Variants in KIFC2 observed in about 807,000 individuals in gnomAD.
KIFC2 encodes the protein kinesin-like protein KIFC2.
In KIFC2, 94 loss-of-function variants were observed where a neutral mutation model predicts 91.5. The ratio of observed to expected loss-of-function variants is 1.03; its 90% CI spans 0.87 to 1.22. The LOEUF (loss-of-function observed/expected upper bound fraction) is 1.22, where lower values mean the gene tolerates loss of function less well. KIFC2 is among the 50% of genes most tolerant of loss of function. The probability of loss-of-function intolerance (pLI) is 0.00; values close to 1 mark genes in which losing one functional copy is unlikely to be tolerated. For missense variants in KIFC2, 1,357 were observed against 1,103.3 expected (o/e 1.23, Z -3.26); for synonymous variants, 729 against 503.9 (o/e 1.45, Z -5.98).
chr8:144,472,657 C>T lies in KIFC2; in HGVS notation c.1812C>T (p.Val604=), dbSNP rs750800047. The change falls in exon 16 of 18, where the codon GTC becomes GTT. Residue 604 remains valine, a synonymous_variant. Transcript: ENST00000645548. ...GCAGCTCCCGCTCGCATGCCCTGGT[C>T]ACGCTGACGCTGCGCGCGGCGTCTC... is the stretch of plus-strand genomic sequence containing the variant. The part of the protein sequence containing the change: ...NQRSSRSHAL[V]TLTLRAASPP... 51 of 1,598,722 alleles carry T rather than the reference C, an allele frequency of 3.2e-5. No homozygotes were observed. The South Asian group carries it at 5.3e-4, about 17-fold the overall frequency.
rs571628325 is a variant in KIFC2, at chr8:144,473,307, C to G, written c.2294C>G (p.Pro765Arg). 2.5e-6 allele frequency: 4 copies of G among 1,604,024 alleles called. No homozygotes were observed. In the South Asian group the frequency reaches 4.5e-5, roughly 18 times the overall value. Reference protein sequence around the residue: ...PLTGTPCTPTPSPGSPPCPSP... With the variant: ...PLTGTPCTPTRSPGSPPCPSP... ...ACCGGGACCCCCTGCACCCCTACGCCGTCCCCTGGCAGTCCTCCATGCCCC... is the reference window on the plus strand; with the variant it reads ...ACCGGGACCCCCTGCACCCCTACGCGGTCCCCTGGCAGTCCTCCATGCCCC... Residue 765 changes from proline to arginine, a missense_variant, in exon 18 of 18, where the codon CCG becomes CGG. By Grantham distance (103) the Pro-to-Arg change is moderately radical. Coordinates refer to ENST00000645548, the MANE Select transcript of KIFC2 (RefSeq NM_001369769.2).
chr8:144,470,352 T>C (rs1338228324), intron 12 of KIFC2, among the ~76,000 whole-genome samples: 1 of 152,240 alleles, frequency 6.6e-6, no homozygotes, highest in Non-Finnish European at 1.5e-5. Context: ...GCGCAGGGCA[T>C]GCCTTGTGCA....
chr8:144,472,979 C>T lies in KIFC2; in HGVS notation c.2046C>T (p.Phe682=). The change falls in exon 17 of 18, where the codon TTC becomes TTT. Residue 682 remains phenylalanine (F), a synonymous_variant. Coordinates refer to ENST00000645548, the MANE Select transcript of KIFC2 (RefSeq NM_001369769.2). ...ALRAHRPHVP[F]RDSQLTRLLQ... is the part of the protein sequence containing the mutation. ...GGGCCCACCGGCCGCACGTGCCCTTCCGCGACTCGCAGCTCACGCGACTGC... is the reference window on the plus strand; with the variant it reads ...GGGCCCACCGGCCGCACGTGCCCTTTCGCGACTCGCAGCTCACGCGACTGC... The T allele has an allele frequency of 1.4e-6, 2 of 1,455,974 alleles. No homozygotes were observed. Among genetic ancestry groups the T allele is most frequent in the Middle Eastern group, 2.2e-4 (1 of 4,540 alleles). 90.2% of individuals were successfully genotyped at this position (1,455,974 alleles called of 1,614,324 possible). A position where few individuals can be genotyped will look rare whatever the true frequency, so the allele number is the denominator to read the frequency against.
At chr8:144,466,689 C>G in intron 1 of KIFC2, 71 bp from the exon 2 acceptor site, 1 of 1,301,072 alleles carries the variant, frequency 7.7e-7, no homozygotes, top group Non-Finnish European at 1.0e-6. Context: ...TCCTCCGGCC[C>G]GGTTCGCGGA....
chr8:144,472,524 C>T (rs1315291943), intron 15 of KIFC2, 40 bp downstream of exon 15: 1 of 1,611,622 alleles, frequency 6.2e-7, no homozygotes. Context: ...CCCCGTGCTT[C>T]CACTTGGGGG....
Position 144,473,654 on chromosome 8 carries a change from A to G in KIFC2, c.*265A>G, listed in dbSNP as rs776981240. 1 of 511,292 alleles carries G rather than the reference A, an allele frequency of 2.0e-6. No homozygotes were observed. The highest frequency in any genetic ancestry group is 3.3e-6 in the Non-Finnish European group (1 of 302,128). The allele number at this position is 511,292 out of a possible 1,614,324, so 31.7% of individuals were successfully genotyped here. On this transcript the variant is annotated 3_prime_UTR_variant, in exon 18 of 18. Coordinates refer to ENST00000645548, the MANE Select transcript of KIFC2 (RefSeq NM_001369769.2). The stretch of plus-strand genomic sequence containing the variant: ...TATCACCATTTGCTGTTATCACGGC[A>G]CACAGCAGGGAATCCCAGGCCCCCC...
intron 12 of KIFC2, 99 bp from the exon 13 acceptor site, chr8:144,471,843 C>T (rs190400668): frequency 2.0e-6 from 2 of 1,021,624 alleles, no homozygotes; most frequent in African/African-American, 1.6e-5. Flanking sequence ...AGACTAGGCT[C>T]TGCTCACACC....
chr8:144,473,093 G>A (rs1586725736), intron 17 of KIFC2, 39 bp from the exon 18 acceptor site: 3 of 1,535,216 alleles, frequency 2.0e-6, no homozygotes, highest in Middle Eastern at 2.3e-4. Context: ...GCCGGTCGCC[G>A]CCCACCCGGG....
intron 10 of KIFC2, 91 bp downstream of exon 10, chr8:144,468,925 A>G (rs915745170): frequency 3.8e-6 from 4 of 1,058,472 alleles, no homozygotes; most frequent in Non-Finnish European, 2.8e-6. Flanking sequence ...TGGCTGTACT[A>G]ATAAGTGGGG....
At position 144,468,731 on chromosome 8, in the gene KIFC2, G is replaced by A. The variant is rs975641416; in HGVS notation, c.1010G>A (p.Arg337Gln). ...AACAGACTTCCCTCTCCAGGACTTC[G>A]GGCACGGATGGCCAGCCTGCGTCAG... is the stretch of plus-strand genomic sequence containing the variant. ...QQMHGQLAGLRARMASLRQGC... is the reference protein window; with the variant it reads ...QQMHGQLAGLQARMASLRQGC... Residue 337 changes from arginine to glutamine, a missense_variant, in exon 10 of 18, where the codon CGG becomes CAG. Coordinates refer to ENST00000645548, the MANE Select transcript of KIFC2 (RefSeq NM_001369769.2). The A allele has an allele frequency of 8.7e-6, 14 of 1,613,902 alleles. No homozygotes were observed. Among genetic ancestry groups the A allele is most frequent in the East Asian group, 2.2e-5 (1 of 44,884 alleles).
intron 9 of KIFC2, 25 bp from the exon 10 acceptor site, chr8:144,468,700 C>G (rs767547545): frequency 1.2e-6 from 2 of 1,613,538 alleles, no homozygotes; most frequent in Non-Finnish European, 1.7e-6. Context: ...CTGGGCCTTC[C>G]CTTCCAACAG....
At position 144,467,935 on chromosome 8, in the gene KIFC2, T is replaced by C. The variant is rs1824752325; in HGVS notation, c.758T>C (p.Met253Thr). 6 of 1,608,558 alleles carry C rather than the reference T, an allele frequency of 3.7e-6. No homozygotes were observed. Among genetic ancestry groups the C allele is most frequent in the Middle Eastern group, 1.7e-4 (1 of 6,002 alleles). Reference sequence around the variant, plus strand: ...GCCCTGAAGCAGAGCCTGAGTCTCATGCGGGACCTCCTGCTGCACTGGGGC... The same window carrying C: ...GCCCTGAAGCAGAGCCTGAGTCTCACGCGGGACCTCCTGCTGCACTGGGGC... ...NEALKQSLSL[M>T]RDLLLHWGPG... The change falls in exon 7 of 18, where the codon ATG becomes ACG. Residue 253 changes from methionine (M) to threonine (T), a missense_variant. Met to Thr is a moderately conservative substitution (Grantham distance 81). Coordinates refer to ENST00000645548, the MANE Select transcript of KIFC2 (RefSeq NM_001369769.2).
rs184801242 is a variant in KIFC2, at chr8:144,469,607, G to A, written c.1340G>A (p.Arg447His). The change falls in exon 12 of 18, where the codon CGC becomes CAC. Residue 447 changes from arginine to histidine, a missense_variant. Physicochemically the swap from Arg to His is conservative, Grantham distance 29. Transcript: ENST00000645548. ...TCYRGRHRRFRLDWVFPPDAS... is the reference protein window; with the variant it reads ...TCYRGRHRRFHLDWVFPPDAS... ...TACCGGGGGCGCCATCGTCGATTCCGCCTAGACTGGGTCTTCCCTCCAGAC... is the reference window on the plus strand; with the variant it reads ...TACCGGGGGCGCCATCGTCGATTCCACCTAGACTGGGTCTTCCCTCCAGAC... 1.4e-5 allele frequency: 23 copies of A among 1,610,508 alleles called. No individual in the cohort carries two copies. In the East Asian group the frequency reaches 2.5e-4, roughly 17 times the overall value.
In KIFC2 at chr8:144,472,855, G is replaced by C; in HGVS notation, c.1922G>C (p.Gly641Ala). Residue 641 changes from glycine (G) to alanine (A), a missense_variant, in exon 17 of 18, where the codon GGC becomes GCC. Coordinates refer to ENST00000645548, the MANE Select transcript of KIFC2 (RefSeq NM_001369769.2). ...SERARKAGAAGPPRGDPDGAR... is the reference protein window; with the variant it reads ...SERARKAGAAAPPRGDPDGAR... ...CGCGCACGGAAGGCAGGGGCGGCCG[G>C]CCCGCCGCGGGGAGACCCAGACGGC... 1 of 1,546,982 alleles carries C rather than the reference G, an allele frequency of 6.5e-7. No individual in the cohort carries two copies. The highest frequency in any genetic ancestry group is 8.6e-7 in the Non-Finnish European group (1 of 1,159,300).
chr8:144,466,543 C>G (rs1374942888), intron 1 of KIFC2, 25 bp downstream of exon 1: 2 of 1,140,474 alleles, frequency 1.8e-6, no homozygotes, highest in East Asian at 3.5e-5. Context: ...CCGTGCAGCC[C>G]GTCGTCTCCC....
rs1824977237 is a variant in KIFC2, at chr8:144,472,650, C to T, written c.1805C>T (p.Ala602Val). The change falls in exon 16 of 18, where the codon GCC becomes GTC. Residue 602 changes from alanine to valine, a missense_variant. Coordinates refer to ENST00000645548, the MANE Select transcript of KIFC2 (RefSeq NM_001369769.2). Reference sequence around the variant, plus strand: ...AACCAGCGCAGCTCCCGCTCGCATGCCCTGGTCACGCTGACGCTGCGCGCG... The same window carrying T: ...AACCAGCGCAGCTCCCGCTCGCATGTCCTGGTCACGCTGACGCTGCGCGCG... ...AMNQRSSRSH[A>V]LVTLTLRAAS... The T allele has an allele frequency of 1.2e-6, 2 of 1,600,378 alleles. No individual in the cohort carries two copies. Among genetic ancestry groups the T allele is most frequent in the African/African-American group, 1.3e-5 (1 of 74,896 alleles).
intron 12 of KIFC2, 96 bp from the exon 13 acceptor site, chr8:144,471,846 C>G: frequency 9.3e-7 from 1 of 1,078,204 alleles, no homozygotes; most frequent in Admixed American, 1.7e-5. Context: ...CTAGGCTCTG[C>G]TCACACCTGC....
rs1824956782 is a variant in KIFC2, at chr8:144,472,253, C to T, written c.1601C>T (p.Ala534Val). 6.2e-7 allele frequency: 1 copy of T among 1,613,376 alleles called. No homozygotes were observed. The change falls in exon 14 of 18, where the codon GCT becomes GTT. Residue 534 changes from alanine to valine, a missense_variant. Ala to Val is a moderately conservative substitution (Grantham distance 64). Coordinates refer to ENST00000645548, the MANE Select transcript of KIFC2 (RefSeq NM_001369769.2). ...TLSMVEIYNE[A>V]VRDLLAPGPP... ...AGCATGGTGGAGATCTACAATGAGGCTGTCAGGTGGGCTACTCCACCAGGG... is the reference window on the plus strand; with the variant it reads ...AGCATGGTGGAGATCTACAATGAGGTTGTCAGGTGGGCTACTCCACCAGGG...
chr8:144,466,301 C>T (rs1824633072), upstream of KIFC2: 4 of 246,220 alleles, frequency 1.6e-5, no homozygotes, highest in African/African-American at 2.3e-5. Context: ...CCGTGGGAGC[C>T]GGGCCGTGGG....
Sources: gnomAD v4.1 joint callset for allele counts (sites outside exome capture counted in the v4.1 genomes callset) on GRCh38, gnomAD v4.1.1 for gene constraint, MANE v1.5 for transcripts, NCBI Gene and HGNC (gene_info 2026-07-23, HGNC 2026-07-21) for gene names.